Variants in MUSK observed in about 807,000 individuals in gnomAD.
MUSK encodes muscle associated receptor tyrosine kinase.
Under a neutral mutation model 88.7 loss-of-function variants are expected in MUSK, and 55 were observed. The observed-to-expected ratio is 0.62, with a 90% confidence interval of 0.50 to 0.78. The LOEUF is 0.78. MUSK is among the 30% of genes least tolerant of loss of function. The pLI, the probability that MUSK is intolerant of heterozygous loss-of-function variation, is 0.00. For missense variants in MUSK, 1,015 were observed against 1,074.3 expected (o/e 0.94, Z 0.77); for synonymous variants, 387 against 391.9 (o/e 0.99, Z 0.15).
chr9:110,758,243 C>T (rs1478348706), intron 7 of MUSK, among the ~76,000 whole-genome samples: 1 of 152,202 alleles, frequency 6.6e-6, no homozygotes, highest in Non-Finnish European at 1.5e-5. Flanking sequence ...GAATTACAGG[C>T]ATGAGCCACC....
intron 3 of MUSK, among the ~76,000 whole-genome samples, chr9:110,689,489 T>C (rs1334106193): frequency 1.9e-5 from 2 of 105,688 alleles, no homozygotes; most frequent in African/African-American, 4.4e-5. Flanking sequence ...TATAAAAATA[T>C]GTAAAAAATA....
At chr9:110,698,792 T>C (rs1042719452) in intron 5 of MUSK, among the ~76,000 whole-genome samples, 1 of 152,154 alleles carries the variant, frequency 6.6e-6, no homozygotes, top group Non-Finnish European at 1.5e-5. Flanking sequence ...TCAGTGCTAT[T>C]TGAAGCTCCG....
At chr9:110,757,391 A>C (rs548507782) in intron 7 of MUSK, among the ~76,000 whole-genome samples, 59 of 151,990 alleles carry the variant, frequency 3.9e-4, no homozygotes, top group African/African-American at 1.4e-3. Context: ...CCTGGGAGGC[A>C]AAGGTTACAG....
chr9:110,800,261 T>G, intron 14 of MUSK, 45 bp from the exon 15 acceptor site: 1 of 1,534,628 alleles, frequency 6.5e-7, no homozygotes. Context: ...TTCCATTGTT[T>G]CATTGTAGAA....
intron 3 of MUSK, among the ~76,000 whole-genome samples, chr9:110,688,654 C>T (rs191531135): frequency 6.6e-6 from 1 of 151,686 alleles, no homozygotes; most frequent in African/African-American, 2.4e-5. Flanking sequence ...TGTGCTGTTT[C>T]CCCCCATGTG....
At chr9:110,742,053 C>T (rs1810114446) in intron 6 of MUSK, among the ~76,000 whole-genome samples, 1 of 152,106 alleles carries the variant, frequency 6.6e-6, no homozygotes. Flanking sequence ...AAGAACGTTT[C>T]AAGTGTCATT....
At chr9:110,783,920 A>G (rs1336990973) in intron 11 of MUSK, among the ~76,000 whole-genome samples, 1 of 151,956 alleles carries the variant, frequency 6.6e-6, no homozygotes, top group Non-Finnish European at 1.5e-5. Flanking sequence ...TTTTTGATCA[A>G]AAAGTCATTG....
chr9:110,757,049 T>G (rs919554289), intron 7 of MUSK, among the ~76,000 whole-genome samples: 3 of 152,124 alleles, frequency 2.0e-5, no homozygotes, highest in African/African-American at 7.2e-5. Flanking sequence ...TTCAGTACAT[T>G]TATAATAGAC....
intron 3 of MUSK, among the ~76,000 whole-genome samples, chr9:110,688,562 C>G (rs2076227825): frequency 1.3e-5 from 2 of 152,002 alleles, no homozygotes; most frequent in African/African-American, 4.8e-5. Context: ...ATCATCCCAT[C>G]ACCTAGGTAT....
intron 7 of MUSK, among the ~76,000 whole-genome samples, chr9:110,750,933 C>A (rs1293424694): frequency 1.3e-5 from 2 of 152,172 alleles, no homozygotes; most frequent in Non-Finnish European, 2.9e-5. Context: ...AATTTTTAAT[C>A]TCCCTACCTT....
chr9:110,777,863 C>T (rs563805996), intron 11 of MUSK, among the ~76,000 whole-genome samples: 1 of 152,002 alleles, frequency 6.6e-6, no homozygotes, highest in Non-Finnish European at 1.5e-5. Flanking sequence ...ATGAAATCTT[C>T]GATACATGTA....
intron 3 of MUSK, among the ~76,000 whole-genome samples, chr9:110,689,989 A>ATTTAAAT (rs538315393): frequency 2.3e-5 from 2 of 87,950 alleles, no homozygotes; most frequent in Admixed American, 2.0e-4. Flanking sequence ...TAAATATTAT[A>ATTTAAAT]ATTATATATT....
intron 5 of MUSK, among the ~76,000 whole-genome samples, chr9:110,714,247 T>C (rs1237487601): frequency 6.6e-6 from 1 of 152,142 alleles, no homozygotes; most frequent in Non-Finnish European, 1.5e-5. Flanking sequence ...CAAAAACAAG[T>C]AAACTTTGTG....
rs1334714049 is a variant in MUSK at position 110,678,301 on chromosome 9, T to C, written c.80-4373T>C. Among the ~76,000 whole-genome samples, 3 of 152,032 alleles carry C rather than the reference T, an allele frequency of 2.0e-5. No individual in the cohort carries two copies. The East Asian group carries it at 5.8e-4, about 29-fold the overall frequency. ...CTAATTTTTTTATTTTTGTATTTTT[T>C]GTAGAGATGCAGTCTTGCCATGTTG... On this transcript the variant is annotated intron_variant, in intron 1 of 14. Transcript: ENST00000374448.
At chr9:110,781,387 T>C (rs527832022) in intron 11 of MUSK, among the ~76,000 whole-genome samples, 429 of 152,034 alleles carry the variant, frequency 2.8e-3, no homozygotes, top group Non-Finnish European at 4.8e-3. Context: ...CGCCATCCTC[T>C]TGCCTCAGCC....
At chr9:110,772,842 GA>G (rs35523277) in intron 9 of MUSK, among the ~76,000 whole-genome samples, 1 of 152,028 alleles carries the variant, frequency 6.6e-6, no homozygotes, top group East Asian at 1.9e-4. Flanking sequence ...TATATCTTTT[GA>G]AAAAGTCTCT....
chr9:110,709,062 G>A (rs977334595), intron 5 of MUSK, among the ~76,000 whole-genome samples: 1 of 152,112 alleles, frequency 6.6e-6, no homozygotes, highest in African/African-American at 2.4e-5. Context: ...GACACACTGA[G>A]CAATGTTCCA....
At chr9:110,712,825 C>T (rs187452097) in intron 5 of MUSK, among the ~76,000 whole-genome samples, 22 of 152,196 alleles carry the variant, frequency 1.4e-4, no homozygotes, top group African/African-American at 2.6e-4. Flanking sequence ...AGGATACAGA[C>T]GAAAGAGAGA....
intron 3 of MUSK, among the ~76,000 whole-genome samples, chr9:110,694,212 A>C (rs1039022941): frequency 7.4e-6 from 1 of 134,708 alleles, no homozygotes; most frequent in Non-Finnish European, 1.6e-5. Context: ...TCCACTAAAA[A>C]TACAAAAAAA....
Sources: gnomAD v4.1 joint callset for allele counts (sites outside exome capture counted in the v4.1 genomes callset) on GRCh38, gnomAD v4.1.1 for gene constraint, MANE v1.5 for transcripts, NCBI Gene and HGNC (gene_info 2026-07-23, HGNC 2026-07-21) for gene names.